The following RAPGEF2 variants were observed in gnomAD, a reference collection of about 807,000 sequenced individuals.
The protein encoded by RAPGEF2 is Rap guanine nucleotide exchange factor 2.
Under a neutral mutation model 186.7 loss-of-function variants are expected in RAPGEF2, and 54 were observed. That is an observed-to-expected ratio of 0.29 (90% CI 0.23 to 0.36). The LOEUF (loss-of-function observed/expected upper bound fraction) is 0.36, where lower values mean the gene tolerates loss of function less well. Ranked by LOEUF, RAPGEF2 falls within the 10% of genes least tolerant of loss-of-function variation. RAPGEF2 has a pLI of 1.00. For synonymous variants in RAPGEF2, 712 were observed against 705.9 expected (o/e 1.01, Z -0.14); for missense variants, 1,532 against 2,045.0 (o/e 0.75, Z 4.84).
chr4:159,268,292 T>C, intron 7 of RAPGEF2: 1 of 1,254,676 alleles, frequency 8.0e-7, no homozygotes, highest in Non-Finnish European at 1.2e-6. Context: ...TGTTGCTCTT[T>C]CTCTTCAGGG....
intron 7 of RAPGEF2, among the ~76,000 whole-genome samples, chr4:159,290,859 G>A (rs868589799): frequency 1.3e-5 from 2 of 152,260 alleles, no homozygotes; most frequent in Middle Eastern, 3.4e-3. Context: ...CACCACAAAT[G>A]TTCAGTCAGT....
chr4:159,185,807 A>G (rs1325492904), intron 1 of RAPGEF2, among the ~76,000 whole-genome samples: 1 of 152,182 alleles, frequency 6.6e-6, no homozygotes, highest in Non-Finnish European at 1.5e-5. Flanking sequence ...ATAGTATGTG[A>G]ATCATCAGTA....
chr4:159,181,549 A>G (rs1423185568), intron 1 of RAPGEF2, among the ~76,000 whole-genome samples: 2 of 151,390 alleles, frequency 1.3e-5, no homozygotes, highest in Non-Finnish European at 1.5e-5. Flanking sequence ...GTCAGAATAT[A>G]AGCTCCTCAG....
At chr4:159,314,797 G>A (rs1234115307) in intron 9 of RAPGEF2, 29 bp downstream of exon 9, 14 of 1,548,150 alleles carry the variant, frequency 9.0e-6, no homozygotes, top group African/African-American at 2.8e-5. Context: ...ATGAATCTAC[G>A]AGCAATTAAA....
chr4:159,123,342 T>C (rs984977403), intron 1 of RAPGEF2, among the ~76,000 whole-genome samples: 4 of 152,204 alleles, frequency 2.6e-5, no homozygotes, highest in African/African-American at 7.2e-5. Flanking sequence ...TCTTTTGTTA[T>C]GCTGAAAGTG....
intron 7 of RAPGEF2, among the ~76,000 whole-genome samples, chr4:159,257,093 T>TTTTTG (rs143881565): frequency 4.6e-5 from 7 of 152,242 alleles, no homozygotes; most frequent in Admixed American, 6.5e-5. Context: ...GCTTTCGGTG[T>TTTTTG]TTTTGTTTTG....
rs553689662 is a variant in RAPGEF2, at chr4:159,138,971, C to T, written c.69+34740C>T. On this transcript the variant is annotated intron_variant, in intron 1 of 29. Coordinates refer to ENST00000691494, the MANE Select transcript of RAPGEF2 (RefSeq NM_001394067.2). ...AAGCAGAAGGATGATGTAAATTTTC[C>T]ATGAAATAGAGTCTCAGGCAACTTG... Among the ~76,000 whole-genome samples, 7 of 152,230 alleles carry T rather than the reference C, an allele frequency of 4.6e-5. No individual in the cohort carries two copies. In the South Asian group the frequency reaches 1.5e-3, roughly 32 times the overall value.
intron 4 of RAPGEF2, among the ~76,000 whole-genome samples, chr4:159,211,954 T>A (rs1750575226): frequency 6.6e-6 from 1 of 152,144 alleles, no homozygotes; most frequent in South Asian, 2.1e-4. Context: ...AAAATAATAG[T>A]AATAAAAGAA....
chr4:159,323,367 A>T (rs1364841493), intron 10 of RAPGEF2, 92 bp from the exon 11 acceptor site: 1 of 1,053,894 alleles, frequency 9.5e-7, no homozygotes, highest in Non-Finnish European at 1.3e-6. Flanking sequence ...AAAATGGAAG[A>T]TCTGCTAATT....
chr4:159,137,946 T>G (rs998515157), intron 1 of RAPGEF2, among the ~76,000 whole-genome samples: 1 of 152,140 alleles, frequency 6.6e-6, no homozygotes, highest in African/African-American at 2.4e-5. Flanking sequence ...CTAGCTAGGG[T>G]TTTTAAATTC....
At chr4:159,249,206 C>T (rs1755004480) in intron 7 of RAPGEF2, among the ~76,000 whole-genome samples, 1 of 148,648 alleles carries the variant, frequency 6.7e-6, no homozygotes, top group African/African-American at 2.5e-5. Flanking sequence ...TCATCTTCGA[C>T]TGTTTCATTT....
intron 1 of RAPGEF2, among the ~76,000 whole-genome samples, chr4:159,104,489 C>CGA (rs553251268): frequency 0.037 from 3,283 of 88,720 alleles, 104 homozygotes; most frequent in East Asian, 0.063. Context: ...GTTGCCCAGC[C>CGA]GAGAGAGAGA....
At chr4:159,247,064 T>G (rs1303311574) in intron 7 of RAPGEF2, among the ~76,000 whole-genome samples, 1 of 152,360 alleles carries the variant, frequency 6.6e-6, no homozygotes, top group South Asian at 2.1e-4. Context: ...AACATTTGTT[T>G]GCTTAATTGT....
At chr4:159,177,990 TTA>T (rs1425184518) in intron 1 of RAPGEF2, among the ~76,000 whole-genome samples, 1 of 152,190 alleles carries the variant, frequency 6.6e-6, no homozygotes, top group African/African-American at 2.4e-5. Flanking sequence ...CTCTTCCTCC[TTA>T]TGTTTAAGTC....
intron 1 of RAPGEF2, among the ~76,000 whole-genome samples, chr4:159,169,566 T>C (rs1745680569): frequency 6.6e-6 from 1 of 152,092 alleles, no homozygotes; most frequent in Admixed American, 6.6e-5. Context: ...TGTCATTTGA[T>C]CAACATCTCC....
At chr4:159,207,902 A>G (rs1401627654) in intron 3 of RAPGEF2, among the ~76,000 whole-genome samples, 7 of 152,262 alleles carry the variant, frequency 4.6e-5, no homozygotes, top group African/African-American at 1.7e-4. Context: ...AATAAAGACA[A>G]ATAAGTTTTT....
chr4:159,224,100 TGTTGG>T (rs1299284681), intron 4 of RAPGEF2, among the ~76,000 whole-genome samples: 1 of 152,188 alleles, frequency 6.6e-6, no homozygotes, highest in Non-Finnish European at 1.5e-5. Flanking sequence ...GGTTTTGCCA[TGTTGG>T]CCAGGCTGGT....
chr4:159,152,156 T>C (rs550700511), intron 1 of RAPGEF2, among the ~76,000 whole-genome samples: 1 of 152,208 alleles, frequency 6.6e-6, no homozygotes, highest in Non-Finnish European at 1.5e-5. Context: ...ACCTCGTCTC[T>C]ACAAAAAATA....
At chr4:159,325,600 TTTG>T (rs577147107) in intron 11 of RAPGEF2, among the ~76,000 whole-genome samples, 239 of 106,230 alleles carry the variant, frequency 2.2e-3, no homozygotes, top group African/African-American at 6.8e-3. Context: ...TAAAAGTTTG[TTTG>T]TTTTTTTTTG....
Sources: allele counts gnomAD v4.1 joint callset (sites outside exome capture counted in the v4.1 genomes callset), GRCh38; gene constraint gnomAD v4.1.1; transcripts MANE v1.5; gene names NCBI Gene and HGNC (gene_info 2026-07-23, HGNC 2026-07-21).